DCC: variants seen among roughly 807,000 people sequenced by gnomAD.
DCC encodes the protein DCC netrin 1 receptor, also known as netrin receptor DCC.
DCC carries 58 observed loss-of-function variants against 172.5 expected under a neutral mutation model. That is an observed-to-expected ratio of 0.34 (90% CI 0.27 to 0.42). DCC has a LOEUF of 0.42. Among genes scored for constraint, DCC ranks in the 10% least tolerant of loss-of-function variants. DCC has a pLI of 1.00. For synonymous variants in DCC, 709 were observed against 644.5 expected, an observed-to-expected ratio of 1.10 and a Z score of -1.52; for missense variants, 1,740 against 1,791.0, an observed-to-expected ratio of 0.97 and a Z score of 0.51.
intron 1 of DCC, among the ~76,000 whole-genome samples, chr18:52,414,673 C>A (rs115179684): frequency 1.8e-3 from 273 of 152,266 alleles, no homozygotes; most frequent in African/African-American, 6.3e-3. Context: ...GAGACTCATG[C>A]AAGGTGGAGA....
At position 52,474,234 on chromosome 18, in the gene DCC, GAGAGAGAGAA is replaced by G. The variant is rs780767667; in HGVS notation, c.91+133367_91+133376del. ...AGAGAGAGAGAGAGAGAGAGAGAGA[GAGAGAGAGAA>G]AGAGAGAGAAGCAATTCATACACCA... On this transcript the variant is annotated intron_variant, in intron 1 of 28. Transcript: ENST00000442544. 5.5e-3 allele frequency among the ~76,000 whole-genome samples: 696 copies of G among 127,032 alleles called. 10 individuals are homozygous for G. Among genetic ancestry groups the G allele is most frequent in the Non-Finnish European group, 6.0e-3 (331 of 55,270 alleles). The allele number at this position is 127,032 out of a possible 152,430, so 83.3% of individuals were successfully genotyped here.
At chr18:53,428,318 T>TATAG (rs1426432403) in intron 21 of DCC, among the ~76,000 whole-genome samples, 10,876 of 33,532 alleles carry the variant, frequency 0.32, 2,095 homozygotes, top group Non-Finnish European at 0.47. Flanking sequence ...ATATAATATA[T>TATAG]AATATAATAT....
At chr18:52,396,602 TG>T (rs1397436304) in intron 1 of DCC, among the ~76,000 whole-genome samples, 2 of 152,090 alleles carry the variant, frequency 1.3e-5, no homozygotes, top group African/African-American at 4.8e-5. Flanking sequence ...TATTAATTTC[TG>T]TAGCTTTTAC....
intron 1 of DCC, among the ~76,000 whole-genome samples, chr18:52,551,735 C>G (rs942865667): frequency 1.1e-4 from 16 of 141,540 alleles, no homozygotes; most frequent in African/African-American, 4.2e-4. Flanking sequence ...TCTACACACA[C>G]ACACACACAC....
chr18:53,071,131 A>C (rs1468451788), intron 7 of DCC, among the ~76,000 whole-genome samples: 1 of 152,230 alleles, frequency 6.6e-6, no homozygotes, highest in Non-Finnish European at 1.5e-5. Flanking sequence ...GAGTACAGAC[A>C]ATGACCTATT....
intron 1 of DCC, among the ~76,000 whole-genome samples, chr18:52,623,560 T>C (rs1951980115): frequency 6.6e-6 from 1 of 152,186 alleles, no homozygotes; most frequent in African/African-American, 2.4e-5. Context: ...GACAACCATG[T>C]TTTCTTACGT....
intron 5 of DCC, among the ~76,000 whole-genome samples, chr18:53,028,468 T>C (rs2041986362): frequency 6.6e-6 from 1 of 152,186 alleles, no homozygotes; most frequent in Non-Finnish European, 1.5e-5. Flanking sequence ...CAAAATTACA[T>C]ACGCATAATA....
At chr18:53,211,208 G>A (rs1398382009) in intron 11 of DCC, among the ~76,000 whole-genome samples, 8 of 151,992 alleles carry the variant, frequency 5.3e-5, no homozygotes, top group Non-Finnish European at 1.0e-4. Flanking sequence ...CTAATGGAAG[G>A]CCCTGATCCA....
At chr18:52,361,349 T>G (rs1018496932) in intron 1 of DCC, among the ~76,000 whole-genome samples, 10 of 152,244 alleles carry the variant, frequency 6.6e-5, no homozygotes, top group Non-Finnish European at 1.3e-4. Context: ...AAAGTTAATG[T>G]TTATTTTTGC....
intron 5 of DCC, among the ~76,000 whole-genome samples, chr18:52,961,317 C>T (rs1024511562): frequency 1.3e-5 from 2 of 152,006 alleles, no homozygotes; most frequent in Non-Finnish European, 2.9e-5. Context: ...AAATAAAATG[C>T]ATAGGACATT....
Position 52,393,038 on chromosome 18 carries a change from T to A in DCC, c.91+52160T>A, listed in dbSNP as rs543000600. Among the ~76,000 whole-genome samples the A allele has an allele frequency of 2.0e-5, 3 of 152,228 alleles. No homozygotes were observed. The East Asian group carries it at 5.8e-4, about 30-fold the overall frequency. On this transcript the variant is annotated intron_variant, in intron 1 of 28. Coordinates refer to ENST00000442544, the MANE Select transcript of DCC (RefSeq NM_005215.4). Reference sequence around the variant, plus strand: ...GCCAGTACTAGGCTAATCTGAGAAGTGATGAAATTAGACTTTCCCCTCTGT... The same window carrying A: ...GCCAGTACTAGGCTAATCTGAGAAGAGATGAAATTAGACTTTCCCCTCTGT...
chr18:52,770,965 C>T (rs767348599), intron 2 of DCC, among the ~76,000 whole-genome samples: 7 of 152,192 alleles, frequency 4.6e-5, no homozygotes, highest in Non-Finnish European at 8.8e-5. Flanking sequence ...CTGAGGAAGA[C>T]GGGACAATGT....
chr18:53,135,808 C>G (rs1024092122), intron 7 of DCC, among the ~76,000 whole-genome samples: 2 of 152,134 alleles, frequency 1.3e-5, no homozygotes, highest in Non-Finnish European at 2.9e-5. Context: ...CCTCAATCTA[C>G]AAGCCACATT....
At chr18:52,515,430 A>G (rs1444361371) in intron 1 of DCC, among the ~76,000 whole-genome samples, 1 of 151,122 alleles carries the variant, frequency 6.6e-6, no homozygotes, top group Non-Finnish European at 1.5e-5. Context: ...ACACGGTAAA[A>G]CCCTGTCTCT....
intron 5 of DCC, among the ~76,000 whole-genome samples, chr18:52,989,396 G>A (rs1328626087): frequency 1.3e-5 from 2 of 151,982 alleles, no homozygotes; most frequent in African/African-American, 4.8e-5. Flanking sequence ...GGTAGCAGGT[G>A]CCTTTAATCC....
At chr18:52,491,923 TA>T (rs1383210748) in intron 1 of DCC, among the ~76,000 whole-genome samples, 7 of 151,902 alleles carry the variant, frequency 4.6e-5, no homozygotes, top group Non-Finnish European at 5.9e-5. Context: ...AGTGGTCTTC[TA>T]GGGGTGGTGT....
At chr18:52,622,772 C>T (rs1051070586) in intron 1 of DCC, among the ~76,000 whole-genome samples, 3 of 152,118 alleles carry the variant, frequency 2.0e-5, no homozygotes, top group African/African-American at 4.8e-5. Flanking sequence ...TCGTTCAGAA[C>T]CTTCCCTTTC....
At position 52,531,221 on chromosome 18, in the gene DCC, A is replaced by G. The variant is rs561058023; in HGVS notation, c.91+190343A>G. 8.5e-5 allele frequency among the ~76,000 whole-genome samples: 13 copies of G among 152,298 alleles called. No homozygotes were observed. In the East Asian group the frequency reaches 2.5e-3, roughly 29 times the overall value. On this transcript the variant is annotated intron_variant, in intron 1 of 28. Transcript: ENST00000442544. ...CAAGCAAGCTACCTGGTGTATTATC[A>G]GTTCCTTCAAACTTGCTCTGAGATG...
At chr18:52,725,807 A>G (rs1483605752) in intron 1 of DCC, among the ~76,000 whole-genome samples, 1 of 152,222 alleles carries the variant, frequency 6.6e-6, no homozygotes, top group Middle Eastern at 3.2e-3. Context: ...AATGAAATAC[A>G]TATCAGTATA....
Sources: gnomAD v4.1 joint callset for allele counts (sites outside exome capture counted in the v4.1 genomes callset) on GRCh38, gnomAD v4.1.1 for gene constraint, MANE v1.5 for transcripts, NCBI Gene and HGNC (gene_info 2026-07-23, HGNC 2026-07-21) for gene names.